Variants in XKR6 observed in about 807,000 individuals in gnomAD.
XKR6 encodes XK-related protein 6.
Under a neutral mutation model 56.7 loss-of-function variants are expected in XKR6, and 22 were observed. That is an observed-to-expected ratio of 0.39 (90% CI 0.28 to 0.55). XKR6 has a LOEUF of 0.55. Ranked by LOEUF, XKR6 falls within the 20% of genes least tolerant of loss-of-function variation. The probability of loss-of-function intolerance (pLI) is 0.66; values close to 1 mark genes in which losing one functional copy is unlikely to be tolerated. For synonymous variants in XKR6, 524 were observed against 387.8 expected (o/e 1.35, Z -4.13); for missense variants, 852 against 889.0 (o/e 0.96, Z 0.53).
At position 10,992,291 on chromosome 8, in the gene XKR6, A is replaced by T. The variant is rs988719457; in HGVS notation, c.765-67461T>A. Among the ~76,000 whole-genome samples, 120 of 151,834 alleles carry T rather than the reference A, an allele frequency of 7.9e-4. 1 individual carries two copies. Among genetic ancestry groups the T allele is most frequent in the Middle Eastern group, 3.4e-3 (1 of 290 alleles). ...CTCTCTGTCTCTCTCTCTCTCTCAC[A>T]CACACACACACACACATTCACACAC... On this transcript the variant is annotated intron_variant, in intron 1 of 2. Coordinates refer to ENST00000416569, the MANE Select transcript of XKR6 (RefSeq NM_173683.4).
chr8:10,928,881 C>T (rs1800977921), intron 1 of XKR6, among the ~76,000 whole-genome samples: 1 of 152,230 alleles, frequency 6.6e-6, no homozygotes, highest in African/African-American at 2.4e-5. Flanking sequence ...CGGACTTGCT[C>T]CCAAAGTCGG....
intron 1 of XKR6, chr8:11,195,097 A>T: frequency 1.4e-6 from 1 of 702,848 alleles, no homozygotes; most frequent in South Asian, 1.5e-5. Context: ...TTACCCTCAC[A>T]GCTAAGCAAG....
chr8:10,960,343 G>A (rs949210916), intron 1 of XKR6, among the ~76,000 whole-genome samples: 13 of 152,170 alleles, frequency 8.5e-5, no homozygotes, highest in Non-Finnish European at 1.3e-4. Flanking sequence ...TCTCAAGCCC[G>A]TTAACCCATA....
intron 1 of XKR6, among the ~76,000 whole-genome samples, chr8:10,953,042 G>C (rs954755280): frequency 6.6e-6 from 1 of 152,072 alleles, no homozygotes; most frequent in Non-Finnish European, 1.5e-5. Context: ...CCTCCAGATG[G>C]GACCATCTAG....
chr8:10,989,142 T>C (rs1171048941), intron 1 of XKR6, among the ~76,000 whole-genome samples: 1 of 152,212 alleles, frequency 6.6e-6, no homozygotes, highest in East Asian at 1.9e-4. Flanking sequence ...GTGGAGGTTA[T>C]ACAAGGAGCT....
intron 1 of XKR6, chr8:11,128,656 G>C (rs1026474903): frequency 1.1e-5 from 4 of 371,610 alleles, no homozygotes; most frequent in Non-Finnish European, 2.1e-5. Context: ...CTGTTGTAGA[G>C]AATGATACAC....
chr8:10,987,963 G>A (rs1797901145), intron 1 of XKR6, among the ~76,000 whole-genome samples: 1 of 152,178 alleles, frequency 6.6e-6, no homozygotes, highest in Non-Finnish European at 1.5e-5. Flanking sequence ...GAGTACCCAG[G>A]GGTTAATGAT....
chr8:10,907,028 C>A (rs1800205425), intron 2 of XKR6, among the ~76,000 whole-genome samples: 1 of 150,896 alleles, frequency 6.6e-6, no homozygotes, highest in Admixed American at 6.6e-5. Flanking sequence ...AGCCTGGCAA[C>A]AGAGCAAGAC....
intron 1 of XKR6, among the ~76,000 whole-genome samples, chr8:11,130,859 T>C (rs187842955): frequency 3.6e-4 from 55 of 152,230 alleles, no homozygotes; most frequent in Non-Finnish European, 1.5e-5. Flanking sequence ...CTTAAGTATA[T>C]GCCACTTGAC....
chr8:11,133,583 C>T (rs1201333305), intron 1 of XKR6, among the ~76,000 whole-genome samples: 6 of 150,090 alleles, frequency 4.0e-5, no homozygotes, highest in Admixed American at 6.6e-5. Context: ...AATGCTAACA[C>T]AGTACAGGCT....
At chr8:11,155,428 A>AC (rs1346504502) in intron 1 of XKR6, among the ~76,000 whole-genome samples, 1 of 152,164 alleles carries the variant, frequency 6.6e-6, no homozygotes, top group Non-Finnish European at 1.5e-5. Flanking sequence ...TGAACAAGGG[A>AC]CCCCTCTCAA....
In XKR6 at chr8:11,065,580, G is replaced by GTT. The variant is rs200201382; in HGVS notation, c.764+134994_764+134995dup. ...CTCTATTTGCATTTTTACTTAATAC[G>GTT]TTTTTTTTTTTATCCTGGGAAATCC... is the stretch of plus-strand genomic sequence containing the variant. On this transcript the variant is annotated intron_variant, in intron 1 of 2. Coordinates refer to ENST00000416569, the MANE Select transcript of XKR6 (RefSeq NM_173683.4). Among the ~76,000 whole-genome samples the GTT allele has an allele frequency of 1.3e-4, 19 of 147,060 alleles. 1 individual carries two copies. The South Asian group carries it at 2.4e-3, about 18-fold the overall frequency.
At chr8:11,028,842 C>T (rs923984362) in intron 1 of XKR6, among the ~76,000 whole-genome samples, 5 of 152,194 alleles carry the variant, frequency 3.3e-5, no homozygotes, top group African/African-American at 4.8e-5. Context: ...CACAGGACAA[C>T]GGGGTCTCAG....
At chr8:11,187,561 T>C (rs1803340345) in intron 1 of XKR6, among the ~76,000 whole-genome samples, 1 of 152,134 alleles carries the variant, frequency 6.6e-6, no homozygotes, top group Non-Finnish European at 1.5e-5. Context: ...TGTTAACGTT[T>C]TGAAGCTATT....
intron 1 of XKR6, among the ~76,000 whole-genome samples, chr8:10,952,152 C>T (rs964993026): frequency 3.3e-5 from 5 of 152,172 alleles, no homozygotes; most frequent in Non-Finnish European, 5.9e-5. Flanking sequence ...AGGCCTCAGC[C>T]CACCTGCCTC....
At chr8:11,088,547 T>C (rs1397199961) in intron 1 of XKR6, among the ~76,000 whole-genome samples, 1 of 152,212 alleles carries the variant, frequency 6.6e-6, no homozygotes, top group Non-Finnish European at 1.5e-5. Flanking sequence ...AAGGGCTGAA[T>C]GGCCAGAGTA....
chr8:11,136,882 G>T (rs1352272544), intron 1 of XKR6: 1 of 152,184 alleles, frequency 6.6e-6, no homozygotes, highest in Admixed American at 6.5e-5. Context: ...TGTGGTTACA[G>T]GTTGCATCAT....
At chr8:11,076,879 C>G (rs1800288086) in intron 1 of XKR6, among the ~76,000 whole-genome samples, 1 of 152,150 alleles carries the variant, frequency 6.6e-6, no homozygotes, top group Non-Finnish European at 1.5e-5. Context: ...TTCGTCCATT[C>G]AAAGCATGGA....
At position 11,078,000 on chromosome 8, in the gene XKR6, C is replaced by A. The variant is rs529980177; in HGVS notation, c.764+122576G>T. Among the ~76,000 whole-genome samples the A allele has an allele frequency of 2.0e-4, 31 of 152,218 alleles. 1 individual carries two copies. In the South Asian group the frequency reaches 6.0e-3, roughly 30 times the overall value. The stretch of plus-strand genomic sequence containing the variant: ...GTGGGCAGACCTGACAAGCACTGAC[C>A]CTCCATGGAAGGACCTCAATGCTGA... On this transcript the variant is annotated intron_variant, in intron 1 of 2. Transcript: ENST00000416569.
Sources: gnomAD v4.1 joint callset for allele counts (sites outside exome capture counted in the v4.1 genomes callset) on GRCh38, gnomAD v4.1.1 for gene constraint, MANE v1.5 for transcripts, NCBI Gene and HGNC (gene_info 2026-07-23, HGNC 2026-07-21) for gene names.